The following LARGE1 variants were observed in gnomAD, a reference collection of about 807,000 sequenced individuals.
The protein encoded by LARGE1 is LARGE xylosyl- and glucuronyltransferase 1, also known as xylosyl- and glucuronyltransferase LARGE1.
LARGE1 carries 43 observed loss-of-function variants against 87.6 expected under a neutral mutation model. That is an observed-to-expected ratio of 0.49 (90% CI 0.38 to 0.63). LARGE1 has a LOEUF of 0.63. Ranked by LOEUF, LARGE1 falls within the 30% of genes least tolerant of loss-of-function variation. LARGE1 has a pLI of 0.00. For missense variants in LARGE1, 802 were observed against 1,000.2 expected (o/e 0.80, Z 2.67); for synonymous variants, 434 against 394.6 (o/e 1.10, Z -1.18).
intron 2 of LARGE1, among the ~76,000 whole-genome samples, chr22:33,663,849 T>C (rs1490088635): frequency 1.3e-5 from 2 of 152,236 alleles, no homozygotes; most frequent in Non-Finnish European, 2.9e-5. Context: ...GCAGTTGGAA[T>C]AAGCATTAAA....
chr22:33,714,036 A>ATAAC (rs1477678451), intron 2 of LARGE1, among the ~76,000 whole-genome samples: 2 of 116,192 alleles, frequency 1.7e-5, no homozygotes, highest in South Asian at 3.2e-4. Flanking sequence ...CATAACATAA[A>ATAAC]ACAAAATGAG....
chr22:33,739,681 G>C (rs2083802642), intron 2 of LARGE1, among the ~76,000 whole-genome samples: 1 of 152,224 alleles, frequency 6.6e-6, no homozygotes. Flanking sequence ...CAGTGGTGCA[G>C]CTGACAGTGC....
At chr22:33,724,689 T>A (rs1430090417) in intron 2 of LARGE1, 1 of 152,210 alleles carries the variant, frequency 6.6e-6, no homozygotes, top group Admixed American at 6.5e-5. Context: ...CATGGTAACT[T>A]CTTCTCCCTT....
At chr22:33,476,322 A>C (rs2069077105) in intron 6 of LARGE1, among the ~76,000 whole-genome samples, 1 of 152,152 alleles carries the variant, frequency 6.6e-6, no homozygotes, top group African/African-American at 2.4e-5. Context: ...CACTCTTCTC[A>C]CTGTAAATTG....
chr22:33,304,125 G>A (rs1016012261), intron 12 of LARGE1, 104 bp downstream of exon 12: 61 of 1,340,922 alleles, frequency 4.5e-5, no homozygotes, highest in Non-Finnish European at 5.7e-5. Flanking sequence ...ATCTGGAAAA[G>A]AAACCTGTTG....
At chr22:33,218,007 G>A (rs1925286373) in intron 11 of LARGE1, among the ~76,000 whole-genome samples, 1 of 151,720 alleles carries the variant, frequency 6.6e-6, no homozygotes, top group Admixed American at 6.6e-5. Context: ...TTGGCTCACT[G>A]TAGCCTCTGC....
At chr22:33,630,703 G>C (rs1229776520) in intron 3 of LARGE1, among the ~76,000 whole-genome samples, 7 of 152,124 alleles carry the variant, frequency 4.6e-5, no homozygotes, top group Non-Finnish European at 1.0e-4. Flanking sequence ...GAAGGCCTAG[G>C]ACATTATAGT....
chr22:33,871,815 T>C (rs1313721827), intron 1 of LARGE1, among the ~76,000 whole-genome samples: 1 of 151,944 alleles, frequency 6.6e-6, no homozygotes, highest in African/African-American at 2.4e-5. Context: ...TAACTAATGA[T>C]TACTAATCCA....
chr22:33,631,502 C>A (rs2080110189), intron 3 of LARGE1, among the ~76,000 whole-genome samples: 1 of 152,024 alleles, frequency 6.6e-6, no homozygotes, highest in Admixed American at 6.6e-5. Flanking sequence ...TAAACACACA[C>A]CTTAGCCTAG....
chr22:33,416,483 T>C (rs535806617), intron 7 of LARGE1, among the ~76,000 whole-genome samples: 1 of 152,284 alleles, frequency 6.6e-6, no homozygotes, highest in African/African-American at 2.4e-5. Flanking sequence ...GCAGGCCACA[T>C]TGCATTTCAC....
intron 5 of LARGE1, among the ~76,000 whole-genome samples, chr22:33,584,329 T>C (rs141371797): frequency 2.0e-5 from 3 of 152,278 alleles, no homozygotes; most frequent in Non-Finnish European, 4.4e-5. Flanking sequence ...GTACCTAGCA[T>C]GGGAACACCA....
intron 2 of LARGE1, 46 bp from the exon 3 acceptor site, chr22:33,650,714 C>A: frequency 6.3e-7 from 1 of 1,591,672 alleles, no homozygotes; most frequent in Non-Finnish European, 8.5e-7. Context: ...ATGAACCATG[C>A]CTCAAGCCCC....
At chr22:33,210,926 T>A (rs1273702182) in intron 11 of LARGE1, among the ~76,000 whole-genome samples, 1 of 152,222 alleles carries the variant, frequency 6.6e-6, no homozygotes, top group Non-Finnish European at 1.5e-5. Flanking sequence ...GCAGACCTCG[T>A]TTTCCCGCAC....
At chr22:33,275,104 C>A (rs757454391) in intron 14 of LARGE1, among the ~76,000 whole-genome samples, 1 of 152,080 alleles carries the variant, frequency 6.6e-6, no homozygotes, top group African/African-American at 2.4e-5. Context: ...AAAGAGGGTA[C>A]AAAACAGGAA....
intron 2 of LARGE1, among the ~76,000 whole-genome samples, chr22:33,661,217 ATT>A (rs11356402): frequency 1.1e-4 from 15 of 141,964 alleles, no homozygotes; most frequent in African/African-American, 1.0e-4. Context: ...AGGTTCTATG[ATT>A]TTTTTTTTTT....
chr22:33,476,102 C>G (rs1459848778), intron 6 of LARGE1, among the ~76,000 whole-genome samples: 2 of 152,222 alleles, frequency 1.3e-5, no homozygotes, highest in Non-Finnish European at 2.9e-5. Flanking sequence ...CCCTGTGAAA[C>G]TCAATATCTT....
intron 1 of LARGE1, among the ~76,000 whole-genome samples, chr22:33,906,454 C>G (rs1034372759): frequency 6.6e-6 from 1 of 152,188 alleles, no homozygotes; most frequent in Non-Finnish European, 1.5e-5. Flanking sequence ...AGTCTCTGGG[C>G]TTTATTGCTT....
intron 1 of LARGE1, among the ~76,000 whole-genome samples, chr22:33,806,787 G>A (rs1271549702): frequency 4.6e-5 from 7 of 152,108 alleles, no homozygotes; most frequent in Non-Finnish European, 5.9e-5. Flanking sequence ...CGAGGCAGGC[G>A]GATCACGAGG....
chr22:33,580,051 G>A (rs774288168), intron 5 of LARGE1, among the ~76,000 whole-genome samples: 2 of 152,118 alleles, frequency 1.3e-5, no homozygotes, highest in African/African-American at 2.4e-5. Context: ...TCCCTTCTCT[G>A]AATTTCAGGT....
Sources: allele counts gnomAD v4.1 joint callset (sites outside exome capture counted in the v4.1 genomes callset), GRCh38; gene constraint gnomAD v4.1.1; transcripts MANE v1.5; gene names NCBI Gene and HGNC (gene_info 2026-07-23, HGNC 2026-07-21).